KCNH5: variants seen among roughly 807,000 people sequenced by gnomAD.
KCNH5 encodes the protein potassium voltage-gated channel subfamily H member 5.
A neutral mutation model predicts 96.1 loss-of-function variants in KCNH5; 46 were observed. That is an observed-to-expected ratio of 0.48 (90% CI 0.38 to 0.61). The LOEUF (loss-of-function observed/expected upper bound fraction) is 0.61, where lower values mean the gene tolerates loss of function less well. Ranked by LOEUF, KCNH5 falls within the 20% of genes least tolerant of loss-of-function variation. The pLI is 0.00. For synonymous variants in KCNH5, 439 were observed against 449.8 expected (o/e 0.98, Z 0.30); for missense variants, 907 against 1,225.8 (o/e 0.74, Z 3.88).
At chr14:62,719,637 G>C (rs1479684152) in intron 10 of KCNH5, among the ~76,000 whole-genome samples, 1 of 152,244 alleles carries the variant, frequency 6.6e-6, no homozygotes, top group African/African-American at 2.4e-5. Context: ...ATTGGTTACA[G>C]CTCAGTGTTT....
intron 8 of KCNH5, among the ~76,000 whole-genome samples, chr14:62,841,728 C>T (rs1887588985): frequency 6.6e-6 from 1 of 152,244 alleles, no homozygotes; most frequent in Non-Finnish European, 1.5e-5. Flanking sequence ...TTATCTGCTA[C>T]CTCTTATTAT....
At chr14:63,045,041 T>C in intron 1 of KCNH5, 73 bp downstream of exon 1, 1 of 1,151,380 alleles carries the variant, frequency 8.7e-7, no homozygotes, top group Non-Finnish European at 1.3e-6. Context: ...GGGAGAGGGA[T>C]GGGATGGGGA....
chr14:62,939,500 A>G (rs1423336791), intron 7 of KCNH5, among the ~76,000 whole-genome samples: 1 of 152,198 alleles, frequency 6.6e-6, no homozygotes, highest in African/African-American at 2.4e-5. Flanking sequence ...TTCCTCCAGT[A>G]ATAACTGCAC....
At position 62,708,149 on chromosome 14, in the gene KCNH5, G is replaced by A; in HGVS notation, c.2326C>T (p.Gln776Ter). The A allele has an allele frequency of 6.2e-7, 1 of 1,614,230 alleles. No homozygotes were observed. Among genetic ancestry groups the A allele is most frequent in the Non-Finnish European group, 8.5e-7 (1 of 1,180,044 alleles). The change falls in exon 11 of 11, where the codon CAG becomes TAG. Residue 776 changes from glutamine to a stop codon, truncating the protein, a stop_gained. Transcript: ENST00000322893. LOFTEE classifies it high-confidence loss of function. ...AYVKTSESLK[Q>*]NNRDAMELKP... Reference sequence around the variant, plus strand: ...AGTTCCATGGCATCACGGTTGTTCTGCTTAAGGGATTCACTGGTTTTCACA... The same window carrying A: ...AGTTCCATGGCATCACGGTTGTTCTACTTAAGGGATTCACTGGTTTTCACA...
intron 1 of KCNH5, among the ~76,000 whole-genome samples, chr14:63,039,629 A>T (rs988380597): frequency 1.3e-5 from 2 of 152,084 alleles, no homozygotes; most frequent in African/African-American, 2.4e-5. Context: ...TTACCATAAA[A>T]TTTTATCTGC....
chr14:62,730,561 C>T (rs1353275419), intron 10 of KCNH5, among the ~76,000 whole-genome samples: 1 of 152,188 alleles, frequency 6.6e-6, no homozygotes, highest in East Asian at 1.9e-4. Flanking sequence ...TTCTGTTACT[C>T]TTCACTATAT....
chr14:62,902,052 C>A (rs2140093757), intron 7 of KCNH5, among the ~76,000 whole-genome samples: 1 of 152,144 alleles, frequency 6.6e-6, no homozygotes. Flanking sequence ...GTCCTTAGCC[C>A]ATTTTAATGG....
chr14:62,912,037 C>CAA (rs1163755853), intron 7 of KCNH5, among the ~76,000 whole-genome samples: 93 of 79,650 alleles, frequency 1.2e-3, no homozygotes, highest in African/African-American at 4.0e-3. Context: ...GACTCCTAAT[C>CAA]AAAAAAAAAA....
At chr14:63,042,579 G>T (rs1318577441) in intron 1 of KCNH5, among the ~76,000 whole-genome samples, 1 of 152,082 alleles carries the variant, frequency 6.6e-6, no homozygotes, top group Non-Finnish European at 1.5e-5. Context: ...CTAAACCTCT[G>T]CCAACACTTC....
chr14:62,942,219 T>C (rs1459516298), intron 7 of KCNH5, among the ~76,000 whole-genome samples: 2 of 152,164 alleles, frequency 1.3e-5, no homozygotes, highest in Non-Finnish European at 2.9e-5. Context: ...AATGCACCAA[T>C]AGAACCTTAG....
rs991122113 is a variant in KCNH5 at position 62,750,215 on chromosome 14, C to T, written c.2019+29513G>A. Reference sequence around the variant, plus strand: ...CACATAGTTCACAGGCCCTAGTTACCGGCTTTACTGTTTTAAGTAAGCCTT... The same window carrying T: ...CACATAGTTCACAGGCCCTAGTTACTGGCTTTACTGTTTTAAGTAAGCCTT... On this transcript the variant is annotated intron_variant, in intron 10 of 10. Coordinates refer to ENST00000322893, the MANE Select transcript of KCNH5 (RefSeq NM_139318.5). Among the ~76,000 whole-genome samples, 4 of 152,132 alleles carry T rather than the reference C, an allele frequency of 2.6e-5. No homozygotes were observed. In the East Asian group the frequency reaches 7.7e-4, roughly 29 times the overall value.
intron 2 of KCNH5, among the ~76,000 whole-genome samples, chr14:63,007,172 A>C (rs1217791157): frequency 1.3e-5 from 2 of 152,194 alleles, no homozygotes; most frequent in African/African-American, 4.8e-5. Context: ...ATATAAATGA[A>C]GAAAGTGGTT....
chr14:62,876,497 G>C (rs1343470859), intron 7 of KCNH5, among the ~76,000 whole-genome samples: 3 of 152,188 alleles, frequency 2.0e-5, no homozygotes, highest in African/African-American at 7.2e-5. Flanking sequence ...AGTGAATATA[G>C]TCATATAGAA....
intron 4 of KCNH5, among the ~76,000 whole-genome samples, chr14:62,994,385 G>C (rs1890868626): frequency 6.6e-6 from 1 of 152,056 alleles, no homozygotes; most frequent in Non-Finnish European, 1.5e-5. Context: ...ATACTGTACA[G>C]TATAAATGGG....
intron 7 of KCNH5, among the ~76,000 whole-genome samples, chr14:62,949,393 T>C (rs553400304): frequency 1.3e-5 from 2 of 152,314 alleles, no homozygotes; most frequent in African/African-American, 4.8e-5. Flanking sequence ...AAGGCGTGAA[T>C]GATGGTGAAG....
chr14:63,041,791 A>G (rs1891829714), intron 1 of KCNH5, among the ~76,000 whole-genome samples: 1 of 152,084 alleles, frequency 6.6e-6, no homozygotes, highest in Non-Finnish European at 1.5e-5. Context: ...CTTATAACAG[A>G]CTGAGTCAAC....
chr14:62,772,591 C>T lies in KCNH5; in HGVS notation c.2019+7137G>A, dbSNP rs962516818. Reference sequence around the variant, plus strand: ...GGTGGAGGTTGCAGTGAGCCAAGATCGTGCCACTGCACTCCAGCCTGGGAC... The same window carrying T: ...GGTGGAGGTTGCAGTGAGCCAAGATTGTGCCACTGCACTCCAGCCTGGGAC... On this transcript the variant is annotated intron_variant, in intron 10 of 10. Coordinates refer to ENST00000322893, the MANE Select transcript of KCNH5 (RefSeq NM_139318.5). Among the ~76,000 whole-genome samples, 4 of 137,052 alleles carry T rather than the reference C, an allele frequency of 2.9e-5. No individual in the cohort carries two copies. In the South Asian group the frequency reaches 9.0e-4, roughly 31 times the overall value. 89.9% of individuals were successfully genotyped at this position (137,052 alleles called of 152,430 possible). A position where few individuals can be genotyped will look rare whatever the true frequency, so the allele number is the denominator to read the frequency against.
At chr14:62,893,311 A>G (rs1009275146) in intron 7 of KCNH5, among the ~76,000 whole-genome samples, 5 of 152,188 alleles carry the variant, frequency 3.3e-5, no homozygotes, top group African/African-American at 7.2e-5. Flanking sequence ...TTAGAACTGG[A>G]GCATTTTAAT....
At chr14:63,016,239 TTCTGATCCCCTTTTTTCTTAATATTC>T (rs1175349167) in intron 2 of KCNH5, among the ~76,000 whole-genome samples, 1 of 152,016 alleles carries the variant, frequency 6.6e-6, no homozygotes, top group Non-Finnish European at 1.5e-5. Flanking sequence ...CTTTTCTTTT[TTCTGATCCCCTTTTTTCTTAATATTC>T]TCTTTAAGCT....
Sources: allele counts gnomAD v4.1 joint callset (sites outside exome capture counted in the v4.1 genomes callset), GRCh38; gene constraint gnomAD v4.1.1; transcripts MANE v1.5; gene names NCBI Gene and HGNC (gene_info 2026-07-23, HGNC 2026-07-21).